ADK: variants seen among roughly 807,000 people sequenced by gnomAD.
ADK encodes the protein adenosine kinase.
ADK carries 24 observed loss-of-function variants against 44.7 expected under a neutral mutation model. The ratio of observed to expected loss-of-function variants is 0.54; its 90% CI spans 0.39 to 0.76. ADK has a LOEUF of 0.76. Ranked by LOEUF, ADK falls within the 30% of genes least tolerant of loss-of-function variation. The pLI is 0.00. For missense variants in ADK, 321 were observed against 425.1 expected, an observed-to-expected ratio of 0.76 and a Z score of 2.15; for synonymous variants, 128 against 142.6, an observed-to-expected ratio of 0.90 and a Z score of 0.73.
chr10:74,455,738 G>A (rs1481648239), intron 6 of ADK, among the ~76,000 whole-genome samples: 1 of 152,092 alleles, frequency 6.6e-6, no homozygotes, highest in Non-Finnish European at 1.5e-5. Flanking sequence ...TTGATCTCTT[G>A]ACCTCGTGAT....
At chr10:74,291,455 C>T (rs908804161) in intron 3 of ADK, among the ~76,000 whole-genome samples, 1 of 151,886 alleles carries the variant, frequency 6.6e-6, no homozygotes, top group African/African-American at 2.4e-5. Flanking sequence ...ACAACAAAAC[C>T]CTAATGTCAC....
intron 6 of ADK, among the ~76,000 whole-genome samples, chr10:74,461,135 C>A (rs1846159368): frequency 6.8e-6 from 1 of 148,058 alleles, no homozygotes; most frequent in South Asian, 2.1e-4. Context: ...ACTTAAGAAA[C>A]CGGAAATAGA....
At chr10:74,680,170 C>T (rs994766924) in intron 10 of ADK, among the ~76,000 whole-genome samples, 3 of 151,836 alleles carry the variant, frequency 2.0e-5, no homozygotes, top group Non-Finnish European at 4.4e-5. Flanking sequence ...AAAAAATTAG[C>T]TGAGTGTGGT....
At chr10:74,520,667 C>T (rs560743287) in intron 6 of ADK, among the ~76,000 whole-genome samples, 37 of 151,834 alleles carry the variant, frequency 2.4e-4, no homozygotes, top group African/African-American at 8.0e-4. Flanking sequence ...CATTCCCTCA[C>T]GTTTAGACTA....
At chr10:74,449,465 T>C (rs1845695766) in intron 6 of ADK, among the ~76,000 whole-genome samples, 1 of 152,170 alleles carries the variant, frequency 6.6e-6, no homozygotes, top group South Asian at 2.1e-4. Flanking sequence ...AAAACCATCT[T>C]GGGATAAAGT....
chr10:74,515,998 C>CAT (rs1848556399), intron 6 of ADK, among the ~76,000 whole-genome samples: 1 of 152,162 alleles, frequency 6.6e-6, no homozygotes, highest in African/African-American at 2.4e-5. Context: ...CAGAGGAGGG[C>CAT]ATACTACACA....
intron 6 of ADK, among the ~76,000 whole-genome samples, chr10:74,473,181 C>A (rs1846671509): frequency 1.0e-5 from 1 of 100,352 alleles, no homozygotes; most frequent in South Asian, 2.8e-4. Context: ...CACACACATA[C>A]ATATACACAC....
At chr10:74,428,128 A>G (rs1844865131) in intron 6 of ADK, among the ~76,000 whole-genome samples, 1 of 152,154 alleles carries the variant, frequency 6.6e-6, no homozygotes. Flanking sequence ...TACTCTTTTT[A>G]TCAGAGTAAT....
chr10:74,473,164 A>G (rs1846670145), intron 6 of ADK, among the ~76,000 whole-genome samples: 1 of 143,340 alleles, frequency 7.0e-6, no homozygotes, highest in South Asian at 2.2e-4. Context: ...ATAAATATAT[A>G]TATATACACA....
intron 10 of ADK, among the ~76,000 whole-genome samples, chr10:74,684,392 A>C (rs1056116121): frequency 2.0e-5 from 3 of 152,230 alleles, no homozygotes; most frequent in Non-Finnish European, 4.4e-5. Flanking sequence ...ATGTAAAGAT[A>C]CAGTGATCTG....
intron 3 of ADK, among the ~76,000 whole-genome samples, chr10:74,293,165 C>CAAAAAAAAAAAAAAAAAAAAAAAAAA (rs59635944): frequency 1.3e-5 from 1 of 79,162 alleles, no homozygotes; most frequent in African/African-American, 5.6e-5. Flanking sequence ...AACCCTGTCT[C>CAAAAAAAAAAAAAAAAAAAAAAAAAA]AAAAAAAAAA....
intron 3 of ADK, among the ~76,000 whole-genome samples, chr10:74,242,507 A>G (rs1049841006): frequency 8.5e-6 from 1 of 117,416 alleles, no homozygotes; most frequent in African/African-American, 4.3e-5. Flanking sequence ...GAAATATGCA[A>G]CCTTTTTGTT....
intron 10 of ADK, among the ~76,000 whole-genome samples, chr10:74,677,357 G>A (rs550022429): frequency 1.2e-4 from 19 of 152,280 alleles, no homozygotes; most frequent in Admixed American, 4.6e-4. Flanking sequence ...TCCTCTTCAT[G>A]TGGCACCTAT....
chr10:74,350,399 G>A (rs1841924731), intron 4 of ADK, among the ~76,000 whole-genome samples: 1 of 151,664 alleles, frequency 6.6e-6, no homozygotes, highest in African/African-American at 2.4e-5. Flanking sequence ...CCAAAATCTA[G>A]GACACACCAA....
At position 74,309,287 on chromosome 10, in the gene ADK, A is replaced by G. The variant is rs111760548; in HGVS notation, c.195-5380A>G. The stretch of plus-strand genomic sequence containing the variant: ...AATAGTTGCCTTTTATTTAAAAGTA[A>G]TACATTTAGTTTCCAACCACAAAGT... On this transcript the variant is annotated intron_variant, in intron 3 of 10. Transcript: ENST00000539909. Among the ~76,000 whole-genome samples the G allele has an allele frequency of 5.0e-3, 758 of 152,236 alleles. 11 individuals carry two copies. Among genetic ancestry groups the G allele is most frequent in the African/African-American group, 0.017 (707 of 41,558 alleles).
chr10:74,184,975 G>T (rs76379447), intron 1 of ADK, among the ~76,000 whole-genome samples: 69 of 152,214 alleles, frequency 4.5e-4, no homozygotes, highest in Non-Finnish European at 7.5e-4. Flanking sequence ...TGAAATTAGG[G>T]ATTATTTGTT....
chr10:74,406,199 A>C (rs775083953), intron 6 of ADK, among the ~76,000 whole-genome samples: 1 of 151,984 alleles, frequency 6.6e-6, no homozygotes, highest in Non-Finnish European at 1.5e-5. Flanking sequence ...TAGTTTTGCT[A>C]TTGTTGTTTC....
At chr10:74,532,491 A>AG (rs398038461) in intron 7 of ADK, among the ~76,000 whole-genome samples, 1 of 150,706 alleles carries the variant, frequency 6.6e-6, no homozygotes, top group African/African-American at 2.4e-5. Flanking sequence ...AAAAAAAAAA[A>AG]CCCTTGGAAT....
chr10:74,522,806 T>G (rs1465748599), intron 6 of ADK, among the ~76,000 whole-genome samples: 3 of 152,132 alleles, frequency 2.0e-5, no homozygotes, highest in Admixed American at 1.3e-4. Flanking sequence ...CCTTCTAGTT[T>G]CCAGTGCTCC....
Sources: allele counts gnomAD v4.1 joint callset (sites outside exome capture counted in the v4.1 genomes callset), GRCh38; gene constraint gnomAD v4.1.1; transcripts MANE v1.5; gene names NCBI Gene and HGNC (gene_info 2026-07-23, HGNC 2026-07-21).